CADPS: variants seen among roughly 807,000 people sequenced by gnomAD.
The protein encoded by CADPS is calcium dependent secretion activator.
A neutral mutation model predicts 167.3 loss-of-function variants in CADPS; 57 were observed. That is an observed-to-expected ratio of 0.34 (90% CI 0.28 to 0.42). CADPS has a LOEUF of 0.42. Ranked by LOEUF, CADPS falls within the 20% of genes least tolerant of loss-of-function variation. The pLI is 1.00. For synonymous variants in CADPS, 676 were observed against 635.3 expected (o/e 1.06, Z -0.96); for missense variants, 1,414 against 1,738.1 (o/e 0.81, Z 3.32).
chr3:62,572,839 T>C (rs2081537084), intron 8 of CADPS, among the ~76,000 whole-genome samples: 1 of 152,230 alleles, frequency 6.6e-6, no homozygotes, highest in South Asian at 2.1e-4. Flanking sequence ...TTACATAAAG[T>C]GGTGTAGTAT....
At chr3:62,807,356 G>T (rs2094155582) in intron 1 of CADPS, among the ~76,000 whole-genome samples, 1 of 151,166 alleles carries the variant, frequency 6.6e-6, no homozygotes, top group Non-Finnish European at 1.5e-5. Context: ...CCGCCTCCTG[G>T]GTACAAGTGA....
Position 62,723,386 on chromosome 3 carries a change from G to T in CADPS, c.888+30055C>A, listed in dbSNP as rs2076166858. On this transcript the variant is annotated intron_variant, in intron 3 of 29. Transcript: ENST00000383710. ...AGCGGACCCTGATGCCAGCCTTAAG[G>T]TTGCAGACGGGTAGAGGAAAATGGA... Among the ~76,000 whole-genome samples the T allele has an allele frequency of 2.6e-5, 4 of 152,256 alleles. No individual in the cohort carries two copies. The South Asian group carries it at 6.2e-4, about 24-fold the overall frequency.
chr3:62,551,709 G>C (rs1431068519), intron 10 of CADPS, among the ~76,000 whole-genome samples: 2 of 152,032 alleles, frequency 1.3e-5, no homozygotes, highest in East Asian at 3.9e-4. Flanking sequence ...TCACTTCATT[G>C]CAGCCACACT....
intron 3 of CADPS, among the ~76,000 whole-genome samples, chr3:62,727,326 CA>C (rs2076929066): frequency 6.6e-6 from 1 of 151,862 alleles, no homozygotes; most frequent in South Asian, 2.1e-4. Flanking sequence ...TGAAGTCAAT[CA>C]AGAGAAGGCA....
chr3:62,645,663 A>G, intron 6 of CADPS, 59 bp downstream of exon 6: 1 of 1,595,468 alleles, frequency 6.3e-7, no homozygotes, highest in Non-Finnish European at 8.5e-7. Flanking sequence ...GGAGTTGGCC[A>G]AAATGGAACT....
At chr3:62,854,918 T>C (rs2079357535) in intron 1 of CADPS, among the ~76,000 whole-genome samples, 1 of 152,012 alleles carries the variant, frequency 6.6e-6, no homozygotes. Flanking sequence ...CAAAATATTT[T>C]AGTCTGAGAT....
At chr3:62,644,359 G>A (rs2068069884) in intron 6 of CADPS, among the ~76,000 whole-genome samples, 2 of 152,036 alleles carry the variant, frequency 1.3e-5, no homozygotes, top group Admixed American at 6.5e-5. Flanking sequence ...GGGTAGGGAG[G>A]GAAGGGAGCA....
intron 6 of CADPS, among the ~76,000 whole-genome samples, chr3:62,638,471 C>G (rs2066771589): frequency 6.6e-6 from 1 of 152,006 alleles, no homozygotes; most frequent in Non-Finnish European, 1.5e-5. Flanking sequence ...TAGATTTACT[C>G]CAGATGTAAG....
intron 21 of CADPS, among the ~76,000 whole-genome samples, chr3:62,489,418 C>A (rs922777460): frequency 2.0e-5 from 3 of 152,232 alleles, no homozygotes; most frequent in Admixed American, 6.5e-5. Context: ...CCTCGGCCTC[C>A]CAAAGTGCTG....
At chr3:62,519,277 C>T (rs149013802) in intron 13 of CADPS, among the ~76,000 whole-genome samples, 1 of 152,180 alleles carries the variant, frequency 6.6e-6, no homozygotes, top group Non-Finnish European at 1.5e-5. Context: ...ATCTTGAGAC[C>T]AAACAAATGG....
chr3:62,687,104 C>A (rs766729418), intron 3 of CADPS, among the ~76,000 whole-genome samples: 2 of 152,042 alleles, frequency 1.3e-5, no homozygotes, highest in Non-Finnish European at 2.9e-5. Context: ...GGCAAAACAC[C>A]GAAAGGAGAT....
At chr3:62,461,360 C>T (rs566174537) in intron 26 of CADPS, among the ~76,000 whole-genome samples, 4 of 152,294 alleles carry the variant, frequency 2.6e-5, no homozygotes, top group Admixed American at 6.5e-5. Context: ...CCAGGTCACA[C>T]AGCTCCTTGG....
intron 11 of CADPS, among the ~76,000 whole-genome samples, chr3:62,546,971 C>T (rs1204732351): frequency 6.6e-6 from 1 of 152,208 alleles, no homozygotes; most frequent in South Asian, 2.1e-4. Flanking sequence ...CCCAATGATA[C>T]CATGGAATGT....
chr3:62,692,892 AG>A (rs1203855852), intron 3 of CADPS, among the ~76,000 whole-genome samples: 5 of 152,010 alleles, frequency 3.3e-5, no homozygotes, highest in Non-Finnish European at 5.9e-5. Context: ...AAAACCATCC[AG>A]GTCTCTTCTC....
intron 28 of CADPS, among the ~76,000 whole-genome samples, chr3:62,427,340 C>T (rs183424010): frequency 2.0e-5 from 3 of 152,216 alleles, no homozygotes; most frequent in Admixed American, 1.3e-4. Context: ...GGTAGAATAT[C>T]CTTTAGAGAC....
chr3:62,403,860 A>C (rs1388003606), intron 28 of CADPS: 1 of 152,196 alleles, frequency 6.6e-6, no homozygotes, highest in Admixed American at 6.5e-5. Flanking sequence ...AGAAAAAAAA[A>C]CCATCTACAA....
At chr3:62,551,078 G>A (rs534653905) in intron 10 of CADPS, among the ~76,000 whole-genome samples, 175 of 152,154 alleles carry the variant, frequency 1.2e-3, no homozygotes, top group Non-Finnish European at 2.0e-3. Context: ...AGTACCATGA[G>A]TATGCTGATG....
chr3:62,662,722 C>T (rs544642413), intron 3 of CADPS, among the ~76,000 whole-genome samples: 2 of 152,130 alleles, frequency 1.3e-5, no homozygotes, highest in Non-Finnish European at 2.9e-5. Context: ...GCTTACACGG[C>T]AGATGTACAA....
intron 1 of CADPS, among the ~76,000 whole-genome samples, chr3:62,785,914 GA>G (rs571340822): frequency 0.31 from 34,713 of 112,406 alleles, 4,098 homozygotes; most frequent in Middle Eastern, 0.4. Flanking sequence ...TTTTCAAAAA[GA>G]AAAAAAAAAA....
Sources: allele counts gnomAD v4.1 joint callset (sites outside exome capture counted in the v4.1 genomes callset), GRCh38; gene constraint gnomAD v4.1.1; transcripts MANE v1.5; gene names NCBI Gene and HGNC (gene_info 2026-07-23, HGNC 2026-07-21).